Variants in MICAL3 observed in about 807,000 individuals in gnomAD.
MICAL3 encodes the protein microtubule associated monooxygenase, calponin and LIM domain containing 3.
A neutral mutation model predicts 207.4 loss-of-function variants in MICAL3; 62 were observed. The ratio of observed to expected loss-of-function variants is 0.30; its 90% CI spans 0.24 to 0.37. The LOEUF is 0.37. Among genes scored for constraint, MICAL3 ranks in the 10% least tolerant of loss-of-function variants. The probability of loss-of-function intolerance (pLI) is 1.00; values close to 1 mark genes in which losing one functional copy is unlikely to be tolerated. For missense variants in MICAL3, 2,368 were observed against 2,635.6 expected, an observed-to-expected ratio of 0.90 and a Z score of 2.22; for synonymous variants, 1,077 against 1,069.3, an observed-to-expected ratio of 1.01 and a Z score of -0.14.
intron 27 of MICAL3, chr22:17,815,145 C>T (rs1021759122): frequency 2.6e-5 from 4 of 152,458 alleles, no homozygotes; most frequent in South Asian, 2.1e-4. Context: ...CCTTAGAGGC[C>T]GCCCTCTGGC....
intron 1 of MICAL3, among the ~76,000 whole-genome samples, chr22:17,909,063 TAACTA>T (rs1439740392): frequency 6.6e-6 from 1 of 152,206 alleles, no homozygotes; most frequent in Non-Finnish European, 1.5e-5. Context: ...GAGAAAGTTG[TAACTA>T]AATACAAGGA....
intron 16 of MICAL3, among the ~76,000 whole-genome samples, chr22:17,880,922 C>T (rs546522217): frequency 2.0e-5 from 3 of 152,162 alleles, no homozygotes; most frequent in Non-Finnish European, 2.9e-5. Flanking sequence ...TCCTGGGCCT[C>T]GGATGCACGA....
chr22:17,808,355 T>C (rs1440736152), intron 29 of MICAL3, among the ~76,000 whole-genome samples: 1 of 152,220 alleles, frequency 6.6e-6, no homozygotes, highest in Non-Finnish European at 1.5e-5. Flanking sequence ...TCTGGAAATC[T>C]GTGTGTGCCG....
In MICAL3 at chr22:17,817,673, A is replaced by G. The variant is rs1277856535; in HGVS notation, c.4988T>C (p.Leu1663Pro). 6.2e-7 allele frequency: 1 copy of G among 1,610,298 alleles called. No homozygotes were observed. Among genetic ancestry groups the G allele is most frequent in the Non-Finnish European group, 8.5e-7 (1 of 1,178,978 alleles). Residue 1663 changes from leucine (L) to proline (P), a missense_variant, in exon 26 of 32, where the codon CTG becomes CCG. This residue lies in a region of MICAL3 where 1,770 missense variants were observed against 1,863.2 expected (regional missense o/e 0.95). Transcript: ENST00000441493. ...CTCCTCGCTGGTGGCTTCATGCTTC[A>G]GGGTGGGCTCCTCGGAGCCCCTGAG... ...PTLRGSEEPT[L>P]KHEATSEEVL...
intron 1 of MICAL3, among the ~76,000 whole-genome samples, chr22:18,011,729 A>T (rs1923747900): frequency 6.9e-6 from 1 of 145,100 alleles, no homozygotes; most frequent in African/African-American, 2.6e-5. Context: ...CTAATTAAAT[A>T]TACAAAAAAA....
intron 1 of MICAL3, among the ~76,000 whole-genome samples, chr22:17,924,806 C>T (rs1044259901): frequency 3.3e-5 from 5 of 152,180 alleles, no homozygotes; most frequent in Admixed American, 2.0e-4. Flanking sequence ...GCAGGTATTT[C>T]ATAAACATTG....
At chr22:17,829,455 C>T (rs1922559068) in intron 21 of MICAL3, among the ~76,000 whole-genome samples, 1 of 152,332 alleles carries the variant, frequency 6.6e-6, no homozygotes, top group East Asian at 1.9e-4. Flanking sequence ...AGGCATGAGC[C>T]ACTGCACCCG....
intron 26 of MICAL3, 87 bp downstream of exon 26, chr22:17,817,223 TG>T: frequency 7.0e-7 from 1 of 1,426,346 alleles, no homozygotes; most frequent in Non-Finnish European, 9.3e-7. Context: ...GGGGAGCGTG[TG>T]AGTGTGGATC....
At chr22:17,823,437 TG>T (rs1454245517) in intron 22 of MICAL3, among the ~76,000 whole-genome samples, 1 of 152,224 alleles carries the variant, frequency 6.6e-6, no homozygotes, top group African/African-American at 2.4e-5. Flanking sequence ...GGCTGTGTGC[TG>T]ACCGCCTCAC....
intron 16 of MICAL3, among the ~76,000 whole-genome samples, chr22:17,876,151 C>A (rs994310231): frequency 1.3e-5 from 2 of 152,126 alleles, no homozygotes; most frequent in African/African-American, 4.8e-5. Context: ...AAGACTTGAG[C>A]CCAAATCCTC....
At chr22:17,908,260 GT>G (rs1395159461) in intron 1 of MICAL3, among the ~76,000 whole-genome samples, 1 of 152,144 alleles carries the variant, frequency 6.6e-6, no homozygotes, top group Non-Finnish European at 1.5e-5. Context: ...CGAACCCTCA[GT>G]TTCCTTGTGT....
chr22:18,007,815 C>T lies in MICAL3; in HGVS notation c.-75+16466G>A, dbSNP rs571191173. On this transcript the variant is annotated intron_variant, in intron 1 of 31. Transcript: ENST00000441493. ...GCGGGTGCCTGTAGTCACAGCTACTCGGGAGGCTGAGGCAGGAGAATGGCG... is the reference window on the plus strand; with the variant it reads ...GCGGGTGCCTGTAGTCACAGCTACTTGGGAGGCTGAGGCAGGAGAATGGCG... Among the ~76,000 whole-genome samples the T allele has an allele frequency of 4.7e-3, 673 of 141,910 alleles. 4 individuals are homozygous for T. Among genetic ancestry groups the T allele is most frequent in the African/African-American group, 0.017 (641 of 38,058 alleles). The allele number at this position is 141,910 out of a possible 152,430, so 93.1% of individuals were successfully genotyped here.
At position 17,791,204 on chromosome 22, in the gene MICAL3, G is replaced by C. The variant is rs768418952; in HGVS notation, c.5748C>G (p.Ile1916Met). The change falls in exon 30 of 32, where the codon ATC becomes ATG. Residue 1916 changes from isoleucine to methionine, a missense_variant and splice_region_variant. Around this residue, in one of 4 missense-constraint regions of MICAL3, gnomAD observed 1,770 missense variants for 1,863.2 expected, o/e 0.95. Coordinates refer to ENST00000441493, the MANE Select transcript of MICAL3 (RefSeq NM_015241.3). ...AMVRYESELM[I>M]FARELELEDR... ...GCCCCCTACCCAAGGCCACTCACAAGATCATCAGCTCCGACTCGTAGCGCA... is the reference window on the plus strand; with the variant it reads ...GCCCCCTACCCAAGGCCACTCACAACATCATCAGCTCCGACTCGTAGCGCA... 5 of 1,613,620 alleles carry C rather than the reference G, an allele frequency of 3.1e-6. No individual in the cohort carries two copies. Among genetic ancestry groups the C allele is most frequent in the Non-Finnish European group, 4.2e-6 (5 of 1,179,766 alleles).
At chr22:17,865,327 C>G (rs186651261) in intron 18 of MICAL3, among the ~76,000 whole-genome samples, 354 of 152,296 alleles carry the variant, frequency 2.3e-3, no homozygotes, top group African/African-American at 7.8e-3. Flanking sequence ...GGGGGACTGA[C>G]AGGCAGGCGT....
intron 1 of MICAL3, among the ~76,000 whole-genome samples, chr22:18,016,032 G>A (rs1245380023): frequency 6.6e-6 from 1 of 152,064 alleles, no homozygotes; most frequent in Non-Finnish European, 1.5e-5. Context: ...AAATTCCTGG[G>A]TCTGGTAATT....
At chr22:17,897,162 C>T (rs989205529) in intron 7 of MICAL3, among the ~76,000 whole-genome samples, 181 bp from the exon 8 acceptor site, 6 of 152,128 alleles carry the variant, frequency 3.9e-5, no homozygotes, top group South Asian at 2.1e-4. Context: ...ATGGCCCACA[C>T]CTGTAATCCC....
At chr22:17,807,820 T>C (rs2062003470) in intron 29 of MICAL3, among the ~76,000 whole-genome samples, 1 of 152,200 alleles carries the variant, frequency 6.6e-6, no homozygotes, top group Non-Finnish European at 1.5e-5. Context: ...AGTTCGTCCA[T>C]TTCACAGAGA....
At chr22:17,998,218 C>T (rs980587816) in intron 1 of MICAL3, among the ~76,000 whole-genome samples, 5 of 137,556 alleles carry the variant, frequency 3.6e-5, no homozygotes, top group Non-Finnish European at 3.2e-5. Flanking sequence ...GCAGAAGAAT[C>T]GCTCGAACCC....
intron 1 of MICAL3, among the ~76,000 whole-genome samples, chr22:17,950,262 G>A: frequency 6.6e-6 from 1 of 151,352 alleles, no homozygotes; most frequent in East Asian, 1.9e-4. Context: ...CCTAGGTTCA[G>A]GCGATTCTTG....
Sources: allele counts gnomAD v4.1 joint callset (sites outside exome capture counted in the v4.1 genomes callset), GRCh38; gene constraint gnomAD v4.1.1; regional missense constraint gnomAD v4.1.1; transcripts MANE v1.5; gene names NCBI Gene and HGNC (gene_info 2026-07-23, HGNC 2026-07-21).